The following DBX2 variants were observed in gnomAD, a reference collection of about 807,000 sequenced individuals.
DBX2 encodes the protein developing brain homeobox 2, also known as homeobox protein DBX2.
Under a neutral mutation model 17.7 loss-of-function variants are expected in DBX2, and 16 were observed. That is an observed-to-expected ratio of 0.90 (90% CI 0.61 to 1.37). DBX2 has a LOEUF of 1.37. Among genes scored for constraint, DBX2 ranks in the 40% most tolerant of loss-of-function variants. DBX2 has a pLI of 0.00. For missense variants in DBX2, 538 were observed against 433.8 expected (o/e 1.24, Z -2.13); for synonymous variants, 255 against 183.8 (o/e 1.39, Z -3.13).
At chr12:45,038,484 G>A (rs946460770) in intron 1 of DBX2, among the ~76,000 whole-genome samples, 1 of 151,084 alleles carries the variant, frequency 6.6e-6, no homozygotes, top group African/African-American at 2.4e-5. Flanking sequence ...TTAATATAAG[G>A]ATGCAATATG....
At chr12:45,036,238 G>C in intron 1 of DBX2, 124 bp from the exon 2 acceptor site, 2 of 881,340 alleles carry the variant, frequency 2.3e-6, no homozygotes, top group Non-Finnish European at 3.2e-6. Flanking sequence ...TGAAATTAAA[G>C]TTATTATAAA....
rs1161504743 is a variant in DBX2, at chr12:45,035,902, A to C, written c.499+117T>G. The stretch of plus-strand genomic sequence containing the variant: ...CTTGAATAAGATCGCTGTGACTTTT[A>C]GTGAGGAATTAGCTCCTTGCCATTG... On this transcript the variant is annotated intron_variant, in intron 2 of 3. Transcript: ENST00000332700. 3 of 921,990 alleles carry C rather than the reference A, an allele frequency of 3.3e-6. No individual in the cohort carries two copies. In the East Asian group the frequency reaches 8.2e-5, roughly 25 times the overall value. The allele number at this position is 921,990 out of a possible 1,614,324, so 57.1% of individuals were successfully genotyped here.
chr12:45,035,580 C>T (rs760261127), intron 2 of DBX2, among the ~76,000 whole-genome samples: 1 of 152,176 alleles, frequency 6.6e-6, no homozygotes, highest in Non-Finnish European at 1.5e-5. Flanking sequence ...TCTCCTCTCA[C>T]GATCTTGACA....
At chr12:45,034,092 C>T (rs529162439) in intron 2 of DBX2, among the ~76,000 whole-genome samples, 1 of 150,162 alleles carries the variant, frequency 6.7e-6, no homozygotes, top group South Asian at 2.2e-4. Context: ...ACTCTTCAAA[C>T]GTCCCTATAA....
In DBX2 at chr12:45,050,960, C is replaced by A; in HGVS notation, c.-33G>T. Reference sequence around the variant, plus strand: ...CGCCAACCGGTCTGCTGCGCGCCCGCCTTGCGCCCGCCTGTCGCCCGGGCG... The same window carrying A: ...CGCCAACCGGTCTGCTGCGCGCCCGACTTGCGCCCGCCTGTCGCCCGGGCG... On this transcript the variant is annotated 5_prime_UTR_variant, in exon 1 of 4. Transcript: ENST00000332700. 1.4e-6 allele frequency: 2 copies of A among 1,386,966 alleles called. No homozygotes were observed. Among genetic ancestry groups the A allele is most frequent in the East Asian group, 3.1e-5 (1 of 32,194 alleles). 85.9% of individuals were successfully genotyped at this position (1,386,966 alleles called of 1,614,324 possible).
chr12:45,018,975 C>T (rs1223515782), intron 3 of DBX2, among the ~76,000 whole-genome samples: 1 of 149,628 alleles, frequency 6.7e-6, no homozygotes, highest in East Asian at 2.0e-4. Context: ...TAGTGGGTGC[C>T]AGGAGGTGGG....
At chr12:45,033,641 T>C (rs191868913) in intron 2 of DBX2, among the ~76,000 whole-genome samples, 563 of 152,270 alleles carry the variant, frequency 3.7e-3, no homozygotes, top group Non-Finnish European at 6.5e-3. Flanking sequence ...AATAAGAATA[T>C]ATGAAATTCA....
intron 3 of DBX2, among the ~76,000 whole-genome samples, chr12:45,022,601 G>A (rs1946359589): frequency 6.6e-6 from 1 of 152,092 alleles, no homozygotes; most frequent in African/African-American, 2.4e-5. Flanking sequence ...ACCGCGCCCG[G>A]CCAATAACTG....
intron 1 of DBX2, among the ~76,000 whole-genome samples, chr12:45,037,077 A>T (rs1315989638): frequency 6.6e-6 from 1 of 152,202 alleles, no homozygotes; most frequent in Non-Finnish European, 1.5e-5. Flanking sequence ...TATTATTTTG[A>T]CTATAAAACC....
chr12:45,024,795 C>T (rs1216295057), intron 2 of DBX2, among the ~76,000 whole-genome samples: 2 of 152,148 alleles, frequency 1.3e-5, no homozygotes, highest in Non-Finnish European at 2.9e-5. Context: ...AGGGGTCTGA[C>T]ATAAACCTGG....
intron 1 of DBX2, among the ~76,000 whole-genome samples, chr12:45,043,205 C>G (rs531075317): frequency 2.5e-4 from 38 of 152,244 alleles, no homozygotes; most frequent in African/African-American, 4.8e-4. Flanking sequence ...TTATTTGGTA[C>G]TCCTTCCATT....
chr12:45,044,133 C>T (rs1481670691), intron 1 of DBX2, among the ~76,000 whole-genome samples: 1 of 152,198 alleles, frequency 6.6e-6, no homozygotes, highest in Non-Finnish European at 1.5e-5. Flanking sequence ...TTGTGAGCTA[C>T]ACAGTCTCCA....
Position 45,023,624 on chromosome 12 carries a change from C to G in DBX2, c.687+83G>C, listed in dbSNP as rs796987178. On this transcript the variant is annotated intron_variant, in intron 3 of 3. Transcript: ENST00000332700. ...TTAAGAAATCAGAAGCAGTTGCCTA[C>G]GGCCCACCACCCTGAACACAACTGA... is the stretch of plus-strand genomic sequence containing the variant. The G allele has an allele frequency of 3.6e-5, 55 of 1,518,774 alleles. No homozygotes were observed. In the African/African-American group the frequency reaches 5.7e-4, roughly 16 times the overall value. The allele number at this position is 1,518,774 out of a possible 1,614,324, so 94.1% of individuals were successfully genotyped here. A position where few individuals can be genotyped will look rare whatever the true frequency, so the allele number is the denominator to read the frequency against.
At chr12:45,019,011 T>G (rs1946337552) in intron 3 of DBX2, among the ~76,000 whole-genome samples, 1 of 151,974 alleles carries the variant, frequency 6.6e-6, no homozygotes, top group African/African-American at 2.4e-5. Flanking sequence ...GAGTTATTGT[T>G]TAATGGATAG....
At chr12:45,050,492 C>T (rs938152065) in intron 1 of DBX2, 33 bp downstream of exon 1, 4 of 1,543,336 alleles carry the variant, frequency 2.6e-6, no homozygotes, top group South Asian at 2.4e-5. Flanking sequence ...GGGGCGCGGG[C>T]GCGGCTGGGG....
At chr12:45,032,595 T>C (rs1213032317) in intron 2 of DBX2, among the ~76,000 whole-genome samples, 1 of 152,116 alleles carries the variant, frequency 6.6e-6, no homozygotes, top group Non-Finnish European at 1.5e-5. Context: ...AATTCAAACT[T>C]GGAGAGTGTA....
At chr12:45,025,947 G>A (rs113924762) in intron 2 of DBX2, among the ~76,000 whole-genome samples, 10 of 151,714 alleles carry the variant, frequency 6.6e-5, no homozygotes, top group African/African-American at 2.2e-4. Context: ...AAAGTAAGCA[G>A]TCATCAAGGC....
intron 3 of DBX2, among the ~76,000 whole-genome samples, chr12:45,019,345 T>C (rs1592750028): frequency 6.6e-6 from 1 of 151,884 alleles, no homozygotes; most frequent in East Asian, 1.9e-4. Flanking sequence ...AGACTACAAA[T>C]GGCCAATAAA....
At chr12:45,050,419 C>G (rs768052421) in intron 1 of DBX2, 106 bp downstream of exon 1, 13 of 1,427,590 alleles carry the variant, frequency 9.1e-6, no homozygotes, top group Non-Finnish European at 1.2e-5. Context: ...AGTTCCCAAA[C>G]CGGCTCTCCC....
Sources: gnomAD v4.1 joint callset for allele counts (sites outside exome capture counted in the v4.1 genomes callset) on GRCh38, gnomAD v4.1.1 for gene constraint, MANE v1.5 for transcripts, NCBI Gene and HGNC (gene_info 2026-07-23, HGNC 2026-07-21) for gene names.